Variants in ERC2 observed in about 807,000 individuals in gnomAD.
The protein encoded by ERC2 is ERC protein 2.
ERC2 carries 42 observed loss-of-function variants against 114.8 expected under a neutral mutation model. That is an observed-to-expected ratio of 0.37 (90% confidence interval 0.29 to 0.47). The LOEUF is 0.47. Ranked by LOEUF, ERC2 falls within the 20% of genes least tolerant of loss-of-function variation. The pLI is 0.99. For synonymous variants in ERC2, 454 were observed against 425.5 expected, an observed-to-expected ratio of 1.07 and a Z score of -0.82; for missense variants, 939 against 1,150.7, an observed-to-expected ratio of 0.82 and a Z score of 2.66.
intron 3 of ERC2, among the ~76,000 whole-genome samples, chr3:56,231,144 T>C (rs2050591018): frequency 6.6e-6 from 1 of 152,208 alleles, no homozygotes; most frequent in South Asian, 2.1e-4. Context: ...CATTATAATA[T>C]ATACATGTAT....
At chr3:55,658,546 A>C (rs1163731072) in intron 17 of ERC2, 1 of 152,718 alleles carries the variant, frequency 6.5e-6, no homozygotes. Context: ...AAAAACTGAA[A>C]GGAATTCCCC....
chr3:55,686,240 GA>G, intron 16 of ERC2, among the ~76,000 whole-genome samples: 1 of 152,306 alleles, frequency 6.6e-6, no homozygotes, highest in South Asian at 2.1e-4. Context: ...AAAGAAATAT[GA>G]CAGTCCAATG....
chr3:56,456,816 G>T (rs2063082153), intron 1 of ERC2, among the ~76,000 whole-genome samples: 1 of 152,204 alleles, frequency 6.6e-6, no homozygotes, highest in Non-Finnish European at 1.5e-5. Context: ...TGATGCTGAT[G>T]AACTAAAACT....
intron 15 of ERC2, among the ~76,000 whole-genome samples, chr3:55,719,145 G>C (rs1204805843): frequency 2.0e-5 from 3 of 152,102 alleles, no homozygotes; most frequent in African/African-American, 7.2e-5. Context: ...ACTGAACATG[G>C]CTTGGACATA....
intron 10 of ERC2, among the ~76,000 whole-genome samples, chr3:56,006,403 T>C (rs989980496): frequency 5.3e-5 from 8 of 152,074 alleles, no homozygotes; most frequent in African/African-American, 1.9e-4. Flanking sequence ...CTTTGATTGA[T>C]TGTTTAGATT....
chr3:55,861,099 A>G (rs1203523752), intron 14 of ERC2, among the ~76,000 whole-genome samples: 1 of 152,262 alleles, frequency 6.6e-6, no homozygotes, highest in Non-Finnish European at 1.5e-5. Context: ...ACAACTGGCC[A>G]GCACTCAAGT....
intron 14 of ERC2, among the ~76,000 whole-genome samples, chr3:55,822,774 C>T (rs1373300702): frequency 6.6e-6 from 1 of 151,950 alleles, no homozygotes; most frequent in African/African-American, 2.4e-5. Flanking sequence ...CCACTATGCC[C>T]GGCTAATTTT....
rs1044019288 is a variant in ERC2 at position 56,010,321 on chromosome 3, A to T, written c.1920+128T>A. ...CCTTTAAATTCAGGCAGCTTTACAA[A>T]AGAAAGGTTACTACATTCCCCAAGC... On this transcript the variant is annotated intron_variant, in intron 9 of 17. Transcript: ENST00000288221. The T allele has an allele frequency of 4.2e-6, 5 of 1,179,308 alleles. No homozygotes were observed. The Admixed American group carries it at 1.2e-4, about 29-fold the overall frequency. 73.1% of individuals were successfully genotyped at this position (1,179,308 alleles called of 1,614,324 possible). A position where few individuals can be genotyped will look rare whatever the true frequency, so the allele number is the denominator to read the frequency against.
At chr3:55,842,363 TG>T (rs1005566403) in intron 14 of ERC2, among the ~76,000 whole-genome samples, 11 of 152,300 alleles carry the variant, frequency 7.2e-5, no homozygotes, top group African/African-American at 2.2e-4. Context: ...CAAAGGAATG[TG>T]GGTGTCCCGT....
chr3:55,538,394 G>A (rs953361938), intron 17 of ERC2, among the ~76,000 whole-genome samples: 3 of 152,162 alleles, frequency 2.0e-5, no homozygotes, highest in Non-Finnish European at 4.4e-5. Context: ...ACCTTTGTTG[G>A]CAGCAATCAC....
chr3:55,572,859 G>T (rs1033981894), intron 17 of ERC2, among the ~76,000 whole-genome samples: 1 of 152,064 alleles, frequency 6.6e-6, no homozygotes, highest in Non-Finnish European at 1.5e-5. Flanking sequence ...CCCACTAAGG[G>T]GTTTTTTCTA....
intron 13 of ERC2, among the ~76,000 whole-genome samples, chr3:55,889,187 T>A (rs1414710675): frequency 6.6e-6 from 1 of 152,196 alleles, no homozygotes; most frequent in East Asian, 1.9e-4. Flanking sequence ...CCCAGAGTAC[T>A]TTGAAAGAAA....
At chr3:56,127,727 GAA>G (rs202062338) in intron 6 of ERC2, among the ~76,000 whole-genome samples, 1,496 of 81,438 alleles carry the variant, frequency 0.018, 30 homozygotes, top group African/African-American at 0.059. Flanking sequence ...TGTCTCAAAA[GAA>G]AAAAAAAAAA....
At chr3:56,221,074 T>G (rs1428937723) in intron 3 of ERC2, among the ~76,000 whole-genome samples, 1 of 152,136 alleles carries the variant, frequency 6.6e-6, no homozygotes, top group Admixed American at 6.5e-5. Context: ...AGCAACCTGA[T>G]AGAAGTCACA....
At chr3:55,740,894 A>C (rs182364606) in intron 14 of ERC2, among the ~76,000 whole-genome samples, 1 of 152,200 alleles carries the variant, frequency 6.6e-6, no homozygotes, top group African/African-American at 2.4e-5. Flanking sequence ...CCAACAGGAC[A>C]TTCAAAGACA....
At chr3:56,429,044 G>A (rs79173411) in intron 2 of ERC2, among the ~76,000 whole-genome samples, 1,625 of 152,232 alleles carry the variant, frequency 0.011, 36 homozygotes, top group African/African-American at 0.037. Context: ...GTTAACAATT[G>A]CACAAAATAC....
intron 10 of ERC2, among the ~76,000 whole-genome samples, chr3:56,005,368 C>A (rs183211865): frequency 1.3e-5 from 2 of 152,014 alleles, no homozygotes; most frequent in East Asian, 1.9e-4. Flanking sequence ...TGTCTACCTG[C>A]GAGTCAAAGG....
chr3:55,960,149 C>A (rs2068256288), intron 12 of ERC2, among the ~76,000 whole-genome samples: 1 of 152,204 alleles, frequency 6.6e-6, no homozygotes, highest in African/African-American at 2.4e-5. Context: ...ATTCTCCATC[C>A]AACAGCAAGA....
intron 10 of ERC2, among the ~76,000 whole-genome samples, chr3:56,000,141 G>A (rs1401087863): frequency 6.6e-6 from 1 of 151,952 alleles, no homozygotes; most frequent in Non-Finnish European, 1.5e-5. Flanking sequence ...GATAAATCAT[G>A]CTGGATAATT....
Sources: gnomAD v4.1 joint callset for allele counts (sites outside exome capture counted in the v4.1 genomes callset) on GRCh38, gnomAD v4.1.1 for gene constraint, MANE v1.5 for transcripts, NCBI Gene and HGNC (gene_info 2026-07-23, HGNC 2026-07-21) for gene names.